The following CAMSAP2 variants were observed in gnomAD, a reference collection of about 807,000 sequenced individuals.
CAMSAP2 encodes the protein calmodulin regulated spectrin associated protein family member 2, also known as calmodulin-regulated spectrin-associated protein 2.
Under a neutral mutation model 146.1 loss-of-function variants are expected in CAMSAP2, and 26 were observed. The ratio of observed to expected loss-of-function variants is 0.18; its 90% CI spans 0.13 to 0.25. The LOEUF (loss-of-function observed/expected upper bound fraction) is 0.25, where lower values mean the gene tolerates loss of function less well. Among genes scored for constraint, CAMSAP2 ranks in the 10% least tolerant of loss-of-function variants. CAMSAP2 has a pLI of 1.00. For missense variants in CAMSAP2, 1,381 were observed against 1,759.3 expected, an observed-to-expected ratio of 0.78 and a Z score of 3.85; for synonymous variants, 499 against 596.6, an observed-to-expected ratio of 0.84 and a Z score of 2.38.
chr1:200,817,174 A>ATACACACATACACATAAGTGTGTGCG (rs1558192008), intron 4 of CAMSAP2, among the ~76,000 whole-genome samples: 3 of 63,196 alleles, frequency 4.7e-5, no homozygotes, highest in Admixed American at 1.7e-4. Flanking sequence ...ACGTGTGTGT[A>ATACACACATACACATAAGTGTGTGCG]TATACACACA....
Position 200,853,500 on chromosome 1 carries a change from CAT to C in CAMSAP2, c.3823+7_3823+8del. 6.3e-7 allele frequency: 1 copy of C among 1,592,408 alleles called. No homozygotes were observed. The highest frequency in any genetic ancestry group is 1.3e-5 in the African/African-American group (1 of 74,272). ...CACCAATAAAGGGTCCTCCAGGTAA[CAT>C]AGCTTATTATGAAGAGTCTGTTCAT... is the stretch of plus-strand genomic sequence containing the variant. On this transcript the variant is annotated splice_donor_region_variant and intron_variant, in intron 13 of 16. Coordinates refer to ENST00000358823, the MANE Select transcript of CAMSAP2 (RefSeq NM_203459.4). This position sits in a 1 kb window ranked among gnomAD's most constrained non-coding sequence, Gnocchi z 5.1.
intron 2 of CAMSAP2, among the ~76,000 whole-genome samples, chr1:200,768,723 G>A (rs143376629): frequency 2.2e-4 from 34 of 152,068 alleles, no homozygotes; most frequent in East Asian, 9.7e-4. Context: ...GCGCGATCTC[G>A]GCTCACTGCA....
intron 1 of CAMSAP2, among the ~76,000 whole-genome samples, chr1:200,746,305 G>A (rs1292267680): frequency 1.3e-5 from 2 of 152,138 alleles, no homozygotes; most frequent in African/African-American, 4.8e-5. Flanking sequence ...TGGTAGTGGT[G>A]GGTATGGAAA....
At chr1:200,854,541 A>G (rs761757875) in intron 13 of CAMSAP2, among the ~76,000 whole-genome samples, 1 of 152,162 alleles carries the variant, frequency 6.6e-6, no homozygotes, top group Non-Finnish European at 1.5e-5. Context: ...TTAGGATCAC[A>G]GTATCACGTC....
rs1177990834 is a variant in CAMSAP2, at chr1:200,860,283, C to T, written c.*2224C>T. The T allele has an allele frequency of 6.6e-6, 1 of 152,534 alleles. No individual in the cohort carries two copies. The highest frequency in any genetic ancestry group is 2.4e-5 in the African/African-American group (1 of 41,384). The allele number at this position is 152,534 out of a possible 1,614,324, so 9.4% of individuals were successfully genotyped here. A position where few individuals can be genotyped will look rare whatever the true frequency, so the allele number is the denominator to read the frequency against. ...TGAAAAATATGCCATTTCATAAAGT[C>T]TGAGGATTTTCGTCAACCTTACTGA... On this transcript the variant is annotated 3_prime_UTR_variant, in exon 17 of 17. Transcript: ENST00000358823.
intron 2 of CAMSAP2, among the ~76,000 whole-genome samples, chr1:200,798,153 G>C (rs1410526253): frequency 6.7e-6 from 1 of 149,892 alleles, no homozygotes; most frequent in Non-Finnish European, 1.5e-5. Flanking sequence ...TTGGCAATGC[G>C]GGCTCTTTTT....
chr1:200,749,193 T>C (rs1197709325), intron 1 of CAMSAP2, among the ~76,000 whole-genome samples: 1 of 152,210 alleles, frequency 6.6e-6, no homozygotes, highest in Non-Finnish European at 1.5e-5. Context: ...TCTCTGCTGA[T>C]AGTGTGGTCA....
chr1:200,803,499 CTGAT>C (rs1317171853), intron 2 of CAMSAP2, among the ~76,000 whole-genome samples: 7 of 152,002 alleles, frequency 4.6e-5, no homozygotes, highest in Non-Finnish European at 1.0e-4. Flanking sequence ...TAGCTCCAAA[CTGAT>C]TGATTTTAGC....
chr1:200,841,942 T>G (rs1170907963), intron 6 of CAMSAP2, 52 bp from the exon 7 acceptor site: 1 of 1,243,526 alleles, frequency 8.0e-7, no homozygotes, highest in Non-Finnish European at 1.2e-6. Flanking sequence ...TAAAATTCTG[T>G]TTATCATGAA....
chr1:200,780,291 CTT>C (rs1665396216), intron 2 of CAMSAP2, among the ~76,000 whole-genome samples: 1 of 152,120 alleles, frequency 6.6e-6, no homozygotes, highest in South Asian at 2.1e-4. Flanking sequence ...CTTGTCAACT[CTT>C]TGAAAAGCTG....
chr1:200,790,212 C>T (rs1665712304), intron 2 of CAMSAP2, among the ~76,000 whole-genome samples: 1 of 152,118 alleles, frequency 6.6e-6, no homozygotes, highest in East Asian at 1.9e-4. Flanking sequence ...GTCAGTTAGG[C>T]TTTGATAGTA....
chr1:200,850,284 G>T (rs750298963), intron 11 of CAMSAP2, 50 bp downstream of exon 11: 9 of 1,467,346 alleles, frequency 6.1e-6, no homozygotes, highest in Middle Eastern at 1.8e-4. Flanking sequence ...GATGAGTGTG[G>T]TTGTGTTGGA....
At chr1:200,759,768 C>T (rs1057138108) in intron 1 of CAMSAP2, among the ~76,000 whole-genome samples, 2 of 152,150 alleles carry the variant, frequency 1.3e-5, no homozygotes, top group Non-Finnish European at 1.5e-5. Context: ...AATTGCAGCT[C>T]CATGTTAACC....
intron 4 of CAMSAP2, among the ~76,000 whole-genome samples, chr1:200,826,080 C>T (rs1336193341): frequency 1.3e-5 from 2 of 152,070 alleles, no homozygotes; most frequent in Non-Finnish European, 2.9e-5. Flanking sequence ...AGAGCTTGTA[C>T]CATTTTATAT....
intron 11 of CAMSAP2, among the ~76,000 whole-genome samples, chr1:200,851,325 C>G (rs1220534642): frequency 1.3e-5 from 2 of 152,124 alleles, no homozygotes; most frequent in Admixed American, 1.3e-4. Flanking sequence ...CACAGCCTCC[C>G]TAGTAGCTGG....
intron 2 of CAMSAP2, among the ~76,000 whole-genome samples, chr1:200,775,253 T>C (rs1389224801): frequency 6.6e-6 from 1 of 152,184 alleles, no homozygotes; most frequent in Non-Finnish European, 1.5e-5. Flanking sequence ...AAGAGGAGTT[T>C]GGTATGTTTC....
intron 1 of CAMSAP2, among the ~76,000 whole-genome samples, chr1:200,750,974 C>G (rs1269039207): frequency 6.9e-6 from 1 of 144,736 alleles, no homozygotes; most frequent in Non-Finnish European, 1.5e-5. Context: ...ACGATCTCGG[C>G]TCACTGCAAT....
chr1:200,759,831 C>G lies in CAMSAP2; in HGVS notation c.140-1008C>G, dbSNP rs187313579. Reference sequence around the variant, plus strand: ...GACATACCTCATCCTTGTCCTGCTTCGATGAGAGGTATAGAGCCCAGGTAA... The same window carrying G: ...GACATACCTCATCCTTGTCCTGCTTGGATGAGAGGTATAGAGCCCAGGTAA... On this transcript the variant is annotated intron_variant, in intron 1 of 16. Coordinates refer to ENST00000358823, the MANE Select transcript of CAMSAP2 (RefSeq NM_203459.4). 8.6e-4 allele frequency among the ~76,000 whole-genome samples: 131 copies of G among 152,014 alleles called. 1 individual carries two copies. Among genetic ancestry groups the G allele is most frequent in the African/African-American group, 3.0e-3 (125 of 41,428 alleles).
At chr1:200,819,910 A>G (rs886725688) in intron 4 of CAMSAP2, among the ~76,000 whole-genome samples, 2 of 152,182 alleles carry the variant, frequency 1.3e-5, no homozygotes, top group African/African-American at 4.8e-5. Context: ...AAGGAACAAT[A>G]TAAGTAGTGA....
Sources: allele counts gnomAD v4.1 joint callset (sites outside exome capture counted in the v4.1 genomes callset), GRCh38; gene constraint gnomAD v4.1.1; non-coding constraint Gnocchi (gnomAD v3.1); transcripts MANE v1.5; gene names NCBI Gene and HGNC (gene_info 2026-07-23, HGNC 2026-07-21).